Variants in IGSF9B observed in about 807,000 individuals in gnomAD.
IGSF9B encodes the protein protein turtle homolog B.
IGSF9B carries 48 observed loss-of-function variants against 143.7 expected under a neutral mutation model. The observed-to-expected ratio is 0.33, with a 90% CI of 0.26 to 0.42. IGSF9B has a LOEUF of 0.42. Among genes scored for constraint, IGSF9B ranks in the 20% least tolerant of loss-of-function variants. The probability of loss-of-function intolerance (pLI) is 1.00; values close to 1 mark genes in which losing one functional copy is unlikely to be tolerated. For missense variants in IGSF9B, 1,706 were observed against 1,980.0 expected (o/e 0.86, Z 2.63); for synonymous variants, 903 against 833.1 (o/e 1.08, Z -1.44).
intron 12 of IGSF9B, among the ~76,000 whole-genome samples, chr11:133,929,452 G>A (rs1279050612): frequency 1.3e-5 from 2 of 152,128 alleles, no homozygotes; most frequent in African/African-American, 4.8e-5. Context: ...AGACCCCTCA[G>A]GCCACAGGGA....
Position 133,922,642 on chromosome 11 carries a change from A to G in IGSF9B, c.2208T>C (p.Ala736=). 6.2e-7 allele frequency: 1 copy of G among 1,601,888 alleles called. No homozygotes were observed. Among genetic ancestry groups the G allele is most frequent in the South Asian group, 1.1e-5 (1 of 88,926 alleles). The change falls in exon 16 of 20, where the codon GCT becomes GCC. Residue 736 remains alanine (A), a synonymous_variant. Coordinates refer to ENST00000533871, the MANE Select transcript of IGSF9B (RefSeq NM_001277285.4). The part of the protein sequence containing the change: ...GIVATICFLA[A]AILFSTLAAC... ...CAGCCAGGGTGCTGAACAGGATGGC[A>G]GCTGCCAAGAAGCAGATGGTAGCTA...
At chr11:133,949,490 T>A (rs1034897863) in intron 1 of IGSF9B, among the ~76,000 whole-genome samples, 1 of 151,910 alleles carries the variant, frequency 6.6e-6, no homozygotes, top group Non-Finnish European at 1.5e-5. Context: ...AGAGGGAAGA[T>A]GGAGGATAGA....
At chr11:133,929,286 A>T (rs1939681380) in intron 12 of IGSF9B, among the ~76,000 whole-genome samples, 1 of 152,220 alleles carries the variant, frequency 6.6e-6, no homozygotes, top group South Asian at 2.1e-4. Flanking sequence ...ATACAAAAAA[A>T]ATTAGTCTAA....
rs747309582 is a variant in IGSF9B at position 133,926,937 on chromosome 11, C to T, written c.1786G>A (p.Val596Met). 84 of 1,598,540 alleles carry T rather than the reference C, an allele frequency of 5.3e-5. No individual in the cohort carries two copies. The East Asian group carries it at 1.5e-3, about 29-fold the overall frequency. Residue 596 changes from valine to methionine, a missense_variant, in exon 13 of 20, where the codon GTG becomes ATG. Around this residue, in one of 7 missense-constraint regions of IGSF9B, gnomAD observed 267 missense variants for 321.1 expected, o/e 0.83. Coordinates refer to ENST00000533871, the MANE Select transcript of IGSF9B (RefSeq NM_001277285.4). ...TCACCTAAAGTGTTCACAGTGACCA[C>T]CTCACTGAAGGCGCTGGTTCCCAGC... is the stretch of plus-strand genomic sequence containing the variant. ...NKLGTSAFSE[V>M]VTVNTLAFPI...
Position 133,927,114 on chromosome 11 carries a change from A to G in IGSF9B, c.1632-23T>C, listed in dbSNP as rs1272627961. 7.8e-6 allele frequency: 12 copies of G among 1,531,572 alleles called. No individual in the cohort carries two copies. The East Asian group carries it at 9.9e-5, about 13-fold the overall frequency. The allele number at this position is 1,531,572 out of a possible 1,614,324, so 94.9% of individuals were successfully genotyped here. A position where few individuals can be genotyped will look rare whatever the true frequency, so the allele number is the denominator to read the frequency against. On this transcript the variant is annotated intron_variant, in intron 12 of 19. Coordinates refer to ENST00000533871, the MANE Select transcript of IGSF9B (RefSeq NM_001277285.4). ...ATCCTGGCCAAAAGAGAGAGACAGGATAGGGGACGAGGGGCGGGGTGGGTC... is the reference window on the plus strand; with the variant it reads ...ATCCTGGCCAAAAGAGAGAGACAGGGTAGGGGACGAGGGGCGGGGTGGGTC...
In IGSF9B at chr11:133,907,405, C is replaced by A. The variant is rs167916; in HGVS notation, c.*1664G>T. On this transcript the variant is annotated 3_prime_UTR_variant, in exon 20 of 20. Transcript: ENST00000533871. ...AGCCATCCAATGCTGCCGTGGCTCA[C>A]GTCCAAGCAGGGAACTCGGGAGAGG... Among the ~76,000 whole-genome samples, 1 of 152,196 alleles carries A rather than the reference C, an allele frequency of 6.6e-6. No homozygotes were observed. Among genetic ancestry groups the A allele is most frequent in the South Asian group, 2.1e-4 (1 of 4,824 alleles).
intron 12 of IGSF9B, among the ~76,000 whole-genome samples, chr11:133,929,193 T>C (rs1365368083): frequency 2.0e-5 from 3 of 152,206 alleles, no homozygotes; most frequent in African/African-American, 7.2e-5. Context: ...TATTACACAC[T>C]GCATGCCTAT....
In IGSF9B at chr11:133,908,841, C is replaced by CA. The variant is rs537929106; in HGVS notation, c.*227dup. Reference sequence around the variant, plus strand: ...GAGGAGACAGGTGTTGCCCAGTCTCCAATCCACTTCCTGACCTCGACCCAC... The same window carrying CA: ...GAGGAGACAGGTGTTGCCCAGTCTCCAAATCCACTTCCTGACCTCGACCCAC... On this transcript the variant is annotated 3_prime_UTR_variant, in exon 20 of 20. Transcript: ENST00000533871. 522 of 534,162 alleles carry CA rather than the reference C, an allele frequency of 9.8e-4. 8 individuals are homozygous for CA. The South Asian group carries it at 0.014, about 14-fold the overall frequency. 33.1% of individuals were successfully genotyped at this position (534,162 alleles called of 1,614,324 possible). A position where few individuals can be genotyped will look rare whatever the true frequency, so the allele number is the denominator to read the frequency against.
intron 1 of IGSF9B, among the ~76,000 whole-genome samples, chr11:133,956,364 G>A (rs1002959586): frequency 6.6e-5 from 10 of 152,128 alleles, no homozygotes; most frequent in South Asian, 2.1e-4. Flanking sequence ...CCGGGCAGGA[G>A]GCGACGGGCT....
Position 133,903,059 on chromosome 11 carries a change from C to A in IGSF9B, c.*6010G>T, listed in dbSNP as rs1052742366. Among the ~76,000 whole-genome samples the A allele has an allele frequency of 1.3e-5, 2 of 151,712 alleles. No homozygotes were observed. The highest frequency in any genetic ancestry group is 2.9e-5 in the Non-Finnish European group (2 of 67,998). The stretch of plus-strand genomic sequence containing the variant: ...CCTGCCCCTCCCACCACCTCCCCAT[C>A]GTAAACCACGCACATGTTCACGATC... On this transcript the variant is annotated 3_prime_UTR_variant, in exon 20 of 20. Coordinates refer to ENST00000533871, the MANE Select transcript of IGSF9B (RefSeq NM_001277285.4).
At chr11:133,947,412 C>A (rs991788550) in intron 1 of IGSF9B, among the ~76,000 whole-genome samples, 2 of 152,234 alleles carry the variant, frequency 1.3e-5, no homozygotes, top group African/African-American at 4.8e-5. Context: ...CAGCCCCAGA[C>A]CCTTCTGGTC....
At chr11:133,927,866 T>C (rs1179973067) in intron 12 of IGSF9B, among the ~76,000 whole-genome samples, 1 of 150,370 alleles carries the variant, frequency 6.7e-6, no homozygotes, top group African/African-American at 2.4e-5. Flanking sequence ...CAGGATCCAC[T>C]CCCGGGTCCC....
Position 133,905,649 on chromosome 11 carries a change from C to T in IGSF9B, c.*3420G>A, listed in dbSNP as rs1232504344. Among the ~76,000 whole-genome samples, 3 of 152,204 alleles carry T rather than the reference C, an allele frequency of 2.0e-5. No homozygotes were observed. Among genetic ancestry groups the T allele is most frequent in the Non-Finnish European group, 4.4e-5 (3 of 68,040 alleles). On this transcript the variant is annotated 3_prime_UTR_variant, in exon 20 of 20. Coordinates refer to ENST00000533871, the MANE Select transcript of IGSF9B (RefSeq NM_001277285.4). The surrounding 1 kb of genome is among the most constrained non-coding windows in gnomAD (Gnocchi z 4.0). ...GCACCTCAAAGGAGGGCACAGACCC[C>T]GCCAGCCTGCTGGGAAAAAGGCGTC...
chr11:133,918,895 GAGGA>G, intron 18 of IGSF9B: 2 of 451,652 alleles, frequency 4.4e-6, no homozygotes, highest in Non-Finnish European at 8.9e-6. Context: ...AGGCGATGGT[GAGGA>G]AGGAAGATAG....
In IGSF9B at chr11:133,931,253, G is replaced by A. The variant is rs142010135; in HGVS notation, c.1369-119C>T. 8.8e-4 allele frequency: 969 copies of A among 1,096,326 alleles called. 9 individuals are homozygous for A. The African/African-American group carries it at 0.013, about 14-fold the overall frequency. The allele number at this position is 1,096,326 out of a possible 1,614,324, so 67.9% of individuals were successfully genotyped here. ...GGCCCGCCCACGCTGCCCTCCTCCC[G>A]AGTGCCTGCCGCTCTTCAGGGTCAG... On this transcript the variant is annotated intron_variant, in intron 10 of 19. Transcript: ENST00000533871. This position sits in a 1 kb window ranked among gnomAD's most constrained non-coding sequence, Gnocchi z 7.7.
chr11:133,939,752 C>T lies in IGSF9B; in HGVS notation c.410-1791G>A, dbSNP rs576582771. ...AACACGCACCTCGCACGTCCTTGCA[C>T]GCGTCATCGCACACAGAAACACACA... On this transcript the variant is annotated intron_variant, in intron 3 of 19. Coordinates refer to ENST00000533871, the MANE Select transcript of IGSF9B (RefSeq NM_001277285.4). 3.0e-4 allele frequency among the ~76,000 whole-genome samples: 45 copies of T among 151,850 alleles called. 1 individual carries two copies. In the South Asian group the frequency reaches 8.9e-3, roughly 30 times the overall value.
At chr11:133,956,024 G>A (rs940197751) in intron 1 of IGSF9B, among the ~76,000 whole-genome samples, 3 of 152,126 alleles carry the variant, frequency 2.0e-5, no homozygotes, top group Admixed American at 6.5e-5. Context: ...GTGCGGCTGA[G>A]AGGCGCGGGG....
rs547371324 is a variant in IGSF9B, at chr11:133,906,469, C to T, written c.*2600G>A. ...ACGTCCTTGCCCTAGCCAGGGAAGC[C>T]ACAGCACAGCAGCCACTCGGTGACC... is the stretch of plus-strand genomic sequence containing the variant. On this transcript the variant is annotated 3_prime_UTR_variant, in exon 20 of 20. Transcript: ENST00000533871. Among the ~76,000 whole-genome samples, 2 of 152,350 alleles carry T rather than the reference C, an allele frequency of 1.3e-5. No homozygotes were observed. The highest frequency in any genetic ancestry group is 4.2e-4 in the South Asian group (2 of 4,816).
At chr11:133,941,023 AAAGAT>A (rs1939947436) in intron 3 of IGSF9B, among the ~76,000 whole-genome samples, 1 of 152,262 alleles carries the variant, frequency 6.6e-6, no homozygotes, top group Admixed American at 6.5e-5. Context: ...GCTTAAAAGA[AAAGAT>A]AATAAATTAA....
Sources: gnomAD v4.1 joint callset for allele counts (sites outside exome capture counted in the v4.1 genomes callset) on GRCh38, gnomAD v4.1.1 for gene constraint, gnomAD v4.1.1 regional missense constraint, Gnocchi (gnomAD v3.1) non-coding constraint, MANE v1.5 for transcripts, NCBI Gene and HGNC (gene_info 2026-07-23, HGNC 2026-07-21) for gene names.